The following PPP1R42 variants were observed in gnomAD, a reference collection of about 807,000 sequenced individuals.
PPP1R42 encodes protein phosphatase 1 regulatory subunit 42, also known as leucine rich repeat containing 67.
Under a neutral mutation model 31.0 loss-of-function variants are expected in PPP1R42, and 34 were observed. The ratio of observed to expected loss-of-function variants is 1.10; its 90% CI spans 0.83 to 1.46. The LOEUF (loss-of-function observed/expected upper bound fraction) is 1.46. PPP1R42 is among the 40% of genes most tolerant of loss of function. The pLI is 0.00. For missense variants in PPP1R42, 268 were observed against 303.0 expected (o/e 0.88, Z 0.86); for synonymous variants, 103 against 109.8 (o/e 0.94, Z 0.39).
At chr8:67,002,388 G>C (rs950384087) in intron 5 of PPP1R42, among the ~76,000 whole-genome samples, 2 of 152,138 alleles carry the variant, frequency 1.3e-5, no homozygotes, top group Non-Finnish European at 2.9e-5. Context: ...TAGTAGAGAC[G>C]TGGTTTCACC....
chr8:67,001,463 T>C (rs545033918), intron 5 of PPP1R42, among the ~76,000 whole-genome samples: 12 of 150,048 alleles, frequency 8.0e-5, no homozygotes, highest in African/African-American at 2.7e-4. Flanking sequence ...TTATTGATAT[T>C]GGCTGAGTTT....
rs183505060 is a variant in PPP1R42 at position 66,981,292 on chromosome 8, G to A, written c.802+757C>T. Among the ~76,000 whole-genome samples the A allele has an allele frequency of 3.3e-5, 5 of 152,196 alleles. No homozygotes were observed. In the East Asian group the frequency reaches 9.7e-4, roughly 29 times the overall value. On this transcript the variant is annotated intron_variant, in intron 7 of 7. Transcript: ENST00000685739. ...TTATAATCCAAATTTTCAGGTGTTGGAGTATGTGCATAAGAAGGGAGACAG... is the reference window on the plus strand; with the variant it reads ...TTATAATCCAAATTTTCAGGTGTTGAAGTATGTGCATAAGAAGGGAGACAG...
chr8:67,023,498 G>A (rs992239913), intron 1 of PPP1R42, among the ~76,000 whole-genome samples: 3 of 152,110 alleles, frequency 2.0e-5, no homozygotes, highest in Non-Finnish European at 4.4e-5. Context: ...TCTGTTTGTA[G>A]CCACTGTATA....
At chr8:66,970,771 T>C in intron 7 of PPP1R42, 1 of 556,294 alleles carries the variant, frequency 1.8e-6, no homozygotes, top group Non-Finnish European at 3.4e-6. Flanking sequence ...CGAAGTCTTC[T>C]GGAAACACCC....
rs183470028 is a variant in PPP1R42, at chr8:67,010,847, C to T, written c.436-16G>A. ...AGAGGGATTTCTGTAAGAAAAATAA[C>T]GAAGTTAGCATTAGTAAATAGTCTA... On this transcript the variant is annotated splice_polypyrimidine_tract_variant and intron_variant, in intron 4 of 7. Transcript: ENST00000685739. 111 of 1,562,494 alleles carry T rather than the reference C, an allele frequency of 7.1e-5. 1 individual carries two copies. The highest frequency in any genetic ancestry group is 4.4e-4 in the Admixed American group (24 of 54,164).
chr8:66,986,302 G>A lies in PPP1R42; in HGVS notation c.670+2098C>T, dbSNP rs926598897. Reference sequence around the variant, plus strand: ...AGAGTGGCTAATTGTAGTTATCAACGACTGTGAAAGGATCCATGGTTTCAG... The same window carrying A: ...AGAGTGGCTAATTGTAGTTATCAACAACTGTGAAAGGATCCATGGTTTCAG... On this transcript the variant is annotated intron_variant, in intron 6 of 7. Transcript: ENST00000685739. 19 of 506,810 alleles carry A rather than the reference G, an allele frequency of 3.7e-5. No individual in the cohort carries two copies. In the East Asian group the frequency reaches 9.1e-4, roughly 24 times the overall value. 31.4% of individuals were successfully genotyped at this position (506,810 alleles called of 1,614,324 possible).
At chr8:66,984,570 G>T in intron 6 of PPP1R42, 11 of 1,214,038 alleles carry the variant, frequency 9.1e-6, no homozygotes, top group Non-Finnish European at 1.3e-5. Flanking sequence ...TTCTTGGCTG[G>T]GGTGCTCAAA....
chr8:66,987,287 CTTTTTTTTTT>C (rs71249412), intron 6 of PPP1R42, among the ~76,000 whole-genome samples: 5 of 106,010 alleles, frequency 4.7e-5, no homozygotes, highest in African/African-American at 1.9e-4. Context: ...AGCAAATGAT[CTTTTTTTTTT>C]TTTTTTTTTT....
intron 5 of PPP1R42, among the ~76,000 whole-genome samples, chr8:67,005,949 C>G (rs1305810073): frequency 6.6e-6 from 1 of 152,044 alleles, no homozygotes; most frequent in Non-Finnish European, 1.5e-5. Context: ...AACTTGTGAT[C>G]GTATCCTAAA....
At chr8:66,968,587 GT>G in intron 7 of PPP1R42, 1 of 583,888 alleles carries the variant, frequency 1.7e-6, no homozygotes, top group Non-Finnish European at 2.2e-6. Flanking sequence ...TGTTCTTTGT[GT>G]TTAGGCTGAG....
chr8:66,996,496 G>A (rs193201187), intron 5 of PPP1R42, among the ~76,000 whole-genome samples: 31 of 152,310 alleles, frequency 2.0e-4, no homozygotes, highest in African/African-American at 7.2e-4. Flanking sequence ...AGTTCAGTCT[G>A]TTGCAGCATG....
intron 7 of PPP1R42, chr8:66,970,761 C>T (rs765852074): frequency 5.4e-5 from 29 of 532,630 alleles, no homozygotes; most frequent in Middle Eastern, 2.8e-4. Context: ...AGTCTAACGC[C>T]GAAGTCTTCT....
intron 7 of PPP1R42, among the ~76,000 whole-genome samples, chr8:66,976,483 T>C (rs1216848148): frequency 1.3e-5 from 2 of 152,194 alleles, no homozygotes; most frequent in Non-Finnish European, 2.9e-5. Context: ...CTAAAGTTTA[T>C]TCCGCCTATC....
intron 5 of PPP1R42, among the ~76,000 whole-genome samples, chr8:67,007,128 T>C (rs1483243022): frequency 6.6e-6 from 1 of 151,900 alleles, no homozygotes; most frequent in African/African-American, 2.4e-5. Flanking sequence ...TCCACCCACT[T>C]CAGCCTCCCA....
intron 6 of PPP1R42, chr8:66,985,534 G>A (rs1814982323): frequency 3.9e-6 from 5 of 1,283,602 alleles, no homozygotes; most frequent in South Asian, 1.2e-5. Context: ...GAGATTAGAC[G>A]GGCCCACCAT....
chr8:66,993,508 C>T (rs1815250063), intron 5 of PPP1R42, among the ~76,000 whole-genome samples: 1 of 152,214 alleles, frequency 6.6e-6, no homozygotes, highest in Non-Finnish European at 1.5e-5. Context: ...TGCCCCAGGA[C>T]CTTGGCACAT....
intron 7 of PPP1R42, among the ~76,000 whole-genome samples, chr8:66,971,920 A>C (rs1344371488): frequency 6.6e-6 from 1 of 152,232 alleles, no homozygotes; most frequent in Non-Finnish European, 1.5e-5. Flanking sequence ...GGAAGTACAA[A>C]AATTATTACC....
chr8:66,974,895 A>G (rs941465275), intron 7 of PPP1R42, among the ~76,000 whole-genome samples: 4 of 152,092 alleles, frequency 2.6e-5, no homozygotes, highest in Non-Finnish European at 4.4e-5. Flanking sequence ...GTATCTATGT[A>G]ATATATTTCA....
At chr8:67,010,656 A>T in intron 5 of PPP1R42, 59 bp downstream of exon 5, 1 of 1,204,186 alleles carries the variant, frequency 8.3e-7, no homozygotes. Context: ...CTATTACAAA[A>T]CATTTTTCAA....
Sources: allele counts gnomAD v4.1 joint callset (sites outside exome capture counted in the v4.1 genomes callset), GRCh38; gene constraint gnomAD v4.1.1; transcripts MANE v1.5; gene names NCBI Gene and HGNC (gene_info 2026-07-23, HGNC 2026-07-21).